Variants in CKAP5 observed in about 807,000 individuals in gnomAD.
CKAP5 encodes cytoskeleton-associated protein 5.
CKAP5 carries 27 observed loss-of-function variants against 232.8 expected under a neutral mutation model. The observed-to-expected ratio is 0.12, with a 90% confidence interval of 0.09 to 0.16. The LOEUF (loss-of-function observed/expected upper bound fraction) is 0.16, where lower values mean the gene tolerates loss of function less well. CKAP5 is among the 10% of genes least tolerant of loss of function. The probability of loss-of-function intolerance (pLI) is 1.00; values close to 1 mark genes in which losing one functional copy is unlikely to be tolerated. For missense variants in CKAP5, 1,838 were observed against 2,424.7 expected, an observed-to-expected ratio of 0.76 and a Z score of 5.08; for synonymous variants, 785 against 841.1, an observed-to-expected ratio of 0.93 and a Z score of 1.16.
intron 1 of CKAP5, among the ~76,000 whole-genome samples, chr11:46,842,931 C>G (rs1027503405): frequency 7.3e-6 from 1 of 137,324 alleles, no homozygotes; most frequent in Admixed American, 7.9e-5. Context: ...CGCGCCACCG[C>G]ACTCCAGCCT....
intron 1 of CKAP5, among the ~76,000 whole-genome samples, chr11:46,835,390 G>A (rs1057004752): frequency 6.6e-6 from 1 of 151,542 alleles, no homozygotes; most frequent in Non-Finnish European, 1.5e-5. Context: ...GAAATCTTTG[G>A]AGAAATGTCT....
At position 46,762,038 on chromosome 11, in the gene CKAP5, T is replaced by C. The variant is rs376900859; in HGVS notation, c.4183A>G (p.Asn1395Asp). Residue 1395 changes from asparagine to aspartate, a missense_variant, in exon 32 of 44, where the codon AAT becomes GAT. Physicochemically the swap from Asn to Asp is conservative, Grantham distance 23. Around this residue, in one of 6 missense-constraint regions of CKAP5, gnomAD observed 579 missense variants for 843.2 expected, o/e 0.69. Coordinates refer to ENST00000529230, the MANE Select transcript of CKAP5 (RefSeq NM_001008938.4). Reference protein sequence around the residue: ...AALNTIVTVYNVHGDQVFKLI... With the variant: ...AALNTIVTVYDVHGDQVFKLI... ...TTGAACACCTGATCCCCATGTACATTGTACACCGTTACAATGGTGTTGAGT... is the reference window on the plus strand; with the variant it reads ...TTGAACACCTGATCCCCATGTACATCGTACACCGTTACAATGGTGTTGAGT... 2.2e-5 allele frequency: 36 copies of C among 1,613,988 alleles called. No individual in the cohort carries two copies. The highest frequency in any genetic ancestry group is 3.0e-5 in the Non-Finnish European group (35 of 1,179,960).
chr11:46,784,635 G>A lies in CKAP5; in HGVS notation c.2007C>T (p.Ala669=). 1.9e-6 allele frequency: 3 copies of A among 1,613,748 alleles called. No homozygotes were observed. The highest frequency in any genetic ancestry group is 1.7e-6 in the Non-Finnish European group (2 of 1,179,892). Residue 669 remains alanine, a synonymous_variant, in exon 17 of 44, where the codon GCC becomes GCT. Transcript: ENST00000529230. The part of the protein sequence containing the change: ...QMKLHIVALI[A]QKGNFSKTSA... The stretch of plus-strand genomic sequence containing the variant: ...ACGTTTTGGAAAAATTTCCCTTCTG[G>A]GCAATCAAAGCAACTATATGAAGCT...
chr11:46,785,615 C>T (rs2065383891), intron 16 of CKAP5, among the ~76,000 whole-genome samples: 1 of 152,208 alleles, frequency 6.6e-6, no homozygotes, highest in African/African-American at 2.4e-5. Context: ...GCTGGGATTA[C>T]AGGCGTGAGC....
In CKAP5 at chr11:46,769,976, G is replaced by C; in HGVS notation, c.3309C>G (p.Phe1103Leu). The C allele has an allele frequency of 6.2e-7, 1 of 1,614,146 alleles. No individual in the cohort carries two copies. The change falls in exon 26 of 44, where the codon TTC becomes TTG. Residue 1103 changes from phenylalanine to leucine, a missense_variant. Transcript: ENST00000529230. ...AGATAGAGTTACCTGATGCAGGCTGGAATTTGGCTGGAGCGGACCCTCCCA... is the reference window on the plus strand; with the variant it reads ...AGATAGAGTTACCTGATGCAGGCTGCAATTTGGCTGGAGCGGACCCTCCCA... Reference protein sequence around the residue: ...KPMGGSAPAKFQPASAPAEDC... With the variant: ...KPMGGSAPAKLQPASAPAEDC...
chr11:46,790,332 G>A, intron 14 of CKAP5, 138 bp downstream of exon 14: 1 of 802,952 alleles, frequency 1.2e-6, no homozygotes, highest in Non-Finnish European at 2.0e-6. Flanking sequence ...TGATAAAGGA[G>A]ATTGTCCAAG....
At chr11:46,784,375 G>T (rs144080612) in intron 17 of CKAP5, 113 bp downstream of exon 17, 6 of 848,992 alleles carry the variant, frequency 7.1e-6, no homozygotes, top group Non-Finnish European at 7.4e-6. Flanking sequence ...AAAAAATGCA[G>T]TATCAAAAAA....
chr11:46,835,340 A>G (rs905745400), intron 1 of CKAP5, among the ~76,000 whole-genome samples: 2 of 152,100 alleles, frequency 1.3e-5, no homozygotes, highest in African/African-American at 4.8e-5. Flanking sequence ...ACGGCAGAGT[A>G]TCCAGATCTC....
intron 8 of CKAP5, among the ~76,000 whole-genome samples, chr11:46,802,684 G>A (rs1939062264): frequency 6.6e-6 from 1 of 151,816 alleles, no homozygotes; most frequent in African/African-American, 2.4e-5. Flanking sequence ...TAAGAGTAAT[G>A]CCTCCAGTCT....
chr11:46,808,175 AG>A (rs1459366375), intron 7 of CKAP5, 31 bp from the exon 8 acceptor site: 1 of 1,315,264 alleles, frequency 7.6e-7, no homozygotes, highest in East Asian at 2.3e-5. Flanking sequence ...CATTTGTAAC[AG>A]GAAATAAGAG....
In CKAP5 at chr11:46,809,754, C is replaced by T. The variant is rs1939234341; in HGVS notation, c.751G>A (p.Asp251Asn). 1 of 1,613,694 alleles carries T rather than the reference C, an allele frequency of 6.2e-7. No homozygotes were observed. Among genetic ancestry groups the T allele is most frequent in the Non-Finnish European group, 8.5e-7 (1 of 1,179,936 alleles). ...AAAATTGGCTTACCTCCTTCAGCAT[C>T]TCCACCAGCAGACTGTTGTTGTTCC... ...KLEQQQSAGG[D>N]AEGGGDDGDE... The change falls in exon 6 of 44, where the codon GAT (aspartate) becomes AAT (asparagine). Residue 251 changes from aspartate to asparagine, a missense_variant. Around this residue, in one of 6 missense-constraint regions of CKAP5, gnomAD observed 285 missense variants for 300.0 expected, o/e 0.95. Coordinates refer to ENST00000529230, the MANE Select transcript of CKAP5 (RefSeq NM_001008938.4).
intron 2 of CKAP5, 49 bp downstream of exon 2, chr11:46,821,126 C>A: frequency 7.1e-7 from 1 of 1,400,248 alleles, no homozygotes; most frequent in South Asian, 1.2e-5. Context: ...TATAACTGCT[C>A]ACAAAACAAG....
intron 34 of CKAP5, 105 bp from the exon 35 acceptor site, chr11:46,759,148 C>G (rs1217561516): frequency 5.3e-6 from 8 of 1,502,394 alleles, no homozygotes; most frequent in Non-Finnish European, 7.2e-6. Flanking sequence ...TTAACAACTG[C>G]TATCATTCAA....
intron 13 of CKAP5, among the ~76,000 whole-genome samples, chr11:46,790,787 C>A (rs1189562979): frequency 6.6e-6 from 1 of 152,002 alleles, no homozygotes; most frequent in African/African-American, 2.4e-5. Flanking sequence ...GCTGGGACCA[C>A]AGGCGTGTGC....
chr11:46,768,520 G>C (rs1476539616), intron 26 of CKAP5, among the ~76,000 whole-genome samples: 1 of 152,104 alleles, frequency 6.6e-6, no homozygotes, highest in Non-Finnish European at 1.5e-5. Context: ...TTGATATTCA[G>C]TATCTGCTAC....
At chr11:46,804,409 G>T (rs1939107204) in intron 8 of CKAP5, among the ~76,000 whole-genome samples, 1 of 152,114 alleles carries the variant, frequency 6.6e-6, no homozygotes, top group Non-Finnish European at 1.5e-5. Context: ...CCATTTCAGA[G>T]GTAAGAAAAA....
intron 1 of CKAP5, among the ~76,000 whole-genome samples, chr11:46,839,592 T>C (rs1304987962): frequency 6.6e-6 from 1 of 152,186 alleles, no homozygotes; most frequent in African/African-American, 2.4e-5. Flanking sequence ...CTGTCATTCA[T>C]ATTTCATCAC....
chr11:46,816,525 T>G (rs1939406263), intron 3 of CKAP5, 121 bp from the exon 4 acceptor site: 1 of 692,142 alleles, frequency 1.4e-6, no homozygotes. Context: ...GAGTCTTTAA[T>G]TTTTAAATTT....
intron 1 of CKAP5, among the ~76,000 whole-genome samples, chr11:46,832,839 C>T (rs1939823517): frequency 6.6e-6 from 1 of 151,972 alleles, no homozygotes; most frequent in Non-Finnish European, 1.5e-5. Context: ...CGCCTGTAGT[C>T]TCAGTTACTC....
Sources: gnomAD v4.1 joint callset for allele counts (sites outside exome capture counted in the v4.1 genomes callset) on GRCh38, gnomAD v4.1.1 for gene constraint, gnomAD v4.1.1 regional missense constraint, MANE v1.5 for transcripts, NCBI Gene and HGNC (gene_info 2026-07-23, HGNC 2026-07-21) for gene names.